Variants in ZC3H12B observed in about 807,000 individuals in gnomAD.
The protein encoded by ZC3H12B is zinc finger CCCH-type containing 12B.
Under a neutral mutation model 43.9 loss-of-function variants are expected in ZC3H12B, and 7 were observed. The ratio of observed to expected loss-of-function variants is 0.16; its 90% CI spans 0.09 to 0.30. The LOEUF is 0.30. Ranked by LOEUF, ZC3H12B falls within the 10% of genes least tolerant of loss-of-function variation. The probability of loss-of-function intolerance (pLI) is 1.00; values close to 1 mark genes in which losing one functional copy is unlikely to be tolerated. For synonymous variants in ZC3H12B, 222 were observed against 241.7 expected, an observed-to-expected ratio of 0.92 and a Z score of 0.76; for missense variants, 475 against 670.2, an observed-to-expected ratio of 0.71 and a Z score of 3.22.
the ZC3H12B span, among the ~76,000 whole-genome samples, chrX:65,251,762 T>C: frequency 3.6e-5 from 4 of 111,600 alleles, no homozygotes; most frequent in African/African-American, 1.3e-4. Context: ...ATAAGAATGC[T>C]TGTGATTTTT....
intron 2 of ZC3H12B, among the ~76,000 whole-genome samples, chrX:65,385,703 G>A (rs918483388): frequency 8.9e-5 from 10 of 111,742 alleles, no homozygotes; most frequent in African/African-American, 3.3e-4. Flanking sequence ...TGGTGAGAGA[G>A]GGAATCCCTG....
chrX:65,420,072 C>T (rs907335864), intron 3 of ZC3H12B, among the ~76,000 whole-genome samples: 1 of 112,218 alleles, frequency 8.9e-6, no homozygotes, highest in African/African-American at 3.2e-5. Flanking sequence ...GCCAGGCCAG[C>T]TTTCATAGAC....
chrX:65,407,379 C>G (rs1472477276), intron 3 of ZC3H12B, among the ~76,000 whole-genome samples: 3 of 112,443 alleles, frequency 2.7e-5, no homozygotes, highest in Non-Finnish European at 5.7e-5. Flanking sequence ...CGGGGCGTGC[C>G]GAGCCGCCTT....
the ZC3H12B span, among the ~76,000 whole-genome samples, chrX:65,143,978 G>A: frequency 9.0e-6 from 1 of 111,044 alleles, no homozygotes; most frequent in Admixed American, 9.6e-5. Flanking sequence ...TTTGGGTTAT[G>A]TCCTTTTCTG....
At chrX:65,453,843 C>T (rs751663266) in intron 3 of ZC3H12B, among the ~76,000 whole-genome samples, 4 of 111,875 alleles carry the variant, frequency 3.6e-5, no homozygotes, top group African/African-American at 1.3e-4. Context: ...TATGTTCTCA[C>T]TCATAAGTGG....
At chrX:65,391,213 T>C (rs977279790) in intron 2 of ZC3H12B, among the ~76,000 whole-genome samples, 14 of 112,409 alleles carry the variant, frequency 1.2e-4, no homozygotes, top group African/African-American at 4.5e-4. Flanking sequence ...GCTTTTCCAA[T>C]ATAAAAGGTT....
the ZC3H12B span, among the ~76,000 whole-genome samples, chrX:65,315,912 C>A: frequency 2.5e-4 from 28 of 111,513 alleles, no homozygotes; most frequent in Non-Finnish European, 4.9e-4. Context: ...ATCCAATGAA[C>A]TTAAGGAGTA....
chrX:65,189,869 G>T, the ZC3H12B span, among the ~76,000 whole-genome samples: 1 of 109,339 alleles, frequency 9.1e-6, no homozygotes, highest in Non-Finnish European at 1.9e-5. Flanking sequence ...TGAAGTCCTT[G>T]CCCATGCCTA....
At chrX:65,238,942 T>G in the ZC3H12B span, among the ~76,000 whole-genome samples, 2 of 112,294 alleles carry the variant, frequency 1.8e-5, no homozygotes, top group African/African-American at 3.2e-5. Context: ...TGCTGTGGTC[T>G]GAAAGACTTT....
upstream of ZC3H12B, among the ~76,000 whole-genome samples, chrX:65,484,063 G>A (rs771816034): frequency 1.1e-4 from 12 of 111,988 alleles, no homozygotes; most frequent in South Asian, 1.1e-3. Context: ...GAACATACAC[G>A]TGCATGTGTC....
exon 5 of ZC3H12B, chrX:65,502,510 T>C (rs1569427442): frequency 8.3e-7 from 1 of 1,210,992 alleles, no homozygotes; most frequent in Non-Finnish European, 1.1e-6. Context: ...TGTATTTGGC[T>C]GTAGCTGATA....
At chrX:65,503,776 C>T (rs1164987795) in exon 5 of ZC3H12B, 1 of 110,838 alleles carries the variant, frequency 9.0e-6, no homozygotes, top group African/African-American at 3.3e-5. Flanking sequence ...ACCACCATGC[C>T]CAGCTAATTT....
At chrX:65,160,872 G>T in the ZC3H12B span, among the ~76,000 whole-genome samples, 8 of 108,831 alleles carry the variant, frequency 7.4e-5, no homozygotes, top group South Asian at 4.0e-4. Flanking sequence ...ATTTTGGATC[G>T]TTCCTGCTTT....
chrX:65,137,552 T>C, the ZC3H12B span, among the ~76,000 whole-genome samples: 2 of 112,195 alleles, frequency 1.8e-5, no homozygotes, highest in Non-Finnish European at 3.8e-5. Flanking sequence ...CTGTAGATAA[T>C]TTAATTTTAT....
chrX:65,298,311 T>A, the ZC3H12B span, among the ~76,000 whole-genome samples: 9 of 110,769 alleles, frequency 8.1e-5, no homozygotes, highest in East Asian at 1.7e-3. Flanking sequence ...GAAAAAAGAA[T>A]CCCATCAAGA....
chrX:65,397,422 C>T (rs1197813382), intron 2 of ZC3H12B, among the ~76,000 whole-genome samples: 1 of 111,508 alleles, frequency 9.0e-6, no homozygotes, highest in Admixed American at 9.6e-5. Context: ...ATTTGCTTGT[C>T]TGTAAACAAT....
chrX:65,231,483 C>T, the ZC3H12B span, among the ~76,000 whole-genome samples: 2 of 110,871 alleles, frequency 1.8e-5, no homozygotes, highest in African/African-American at 6.6e-5. Context: ...GTATCTCAAT[C>T]CTTATCTTAA....
chrX:65,450,351 A>G (rs1362584348), intron 3 of ZC3H12B, among the ~76,000 whole-genome samples: 1 of 83,418 alleles, frequency 1.2e-5, no homozygotes, highest in Non-Finnish European at 2.2e-5. Flanking sequence ...ATATATGTGT[A>G]TATATATGTG....
chrX:65,224,884 G>T, the ZC3H12B span, among the ~76,000 whole-genome samples: 2 of 112,129 alleles, frequency 1.8e-5, no homozygotes, highest in Non-Finnish European at 3.8e-5. Flanking sequence ...GCTCAAACTG[G>T]GTGGAGCCCA....
Sources: gnomAD v4.1 joint callset for allele counts (sites outside exome capture counted in the v4.1 genomes callset) on GRCh38, gnomAD v4.1.1 for gene constraint, MANE v1.5 for transcripts, NCBI Gene and HGNC (gene_info 2026-07-23, HGNC 2026-07-21) for gene names.